Variants in LDLRAD4 observed in about 807,000 individuals in gnomAD.
The protein encoded by LDLRAD4 is low density lipoprotein receptor class A domain containing 4.
LDLRAD4 carries 5 observed loss-of-function variants against 17.0 expected under a neutral mutation model. That is an observed-to-expected ratio of 0.29 (90% CI 0.15 to 0.62). LDLRAD4 has a LOEUF of 0.62. Ranked by LOEUF, LDLRAD4 falls within the 20% of genes least tolerant of loss-of-function variation. The pLI, the probability that LDLRAD4 is intolerant of heterozygous loss-of-function variation, is 0.84. For synonymous variants in LDLRAD4, 168 were observed against 171.8 expected (o/e 0.98, Z 0.17); for missense variants, 340 against 424.7 (o/e 0.80, Z 1.75).
In LDLRAD4 at chr18:13,552,058, A is replaced by G. The variant is rs2094439954; in HGVS notation, c.182-69059A>G. 2.0e-5 allele frequency among the ~76,000 whole-genome samples: 3 copies of G among 152,148 alleles called. 1 individual carries two copies. The South Asian group carries it at 6.2e-4, about 32-fold the overall frequency. On this transcript the variant is annotated intron_variant, in intron 3 of 5. Transcript: ENST00000359446. Reference sequence around the variant, plus strand: ...GAGGGCACCAAGCCACGAGGGACCCACTGCATGACCCAGACACCCCCCACT... The same window carrying G: ...GAGGGCACCAAGCCACGAGGGACCCGCTGCATGACCCAGACACCCCCCACT...
In LDLRAD4 at chr18:13,616,553, C is replaced by T. The variant is rs540889693; in HGVS notation, c.182-4564C>T. On this transcript the variant is annotated intron_variant, in intron 3 of 5. Coordinates refer to ENST00000359446, the Ensembl canonical transcript of LDLRAD4. Reference sequence around the variant, plus strand: ...CAGAGTCCCCAGAGCAAGGCTCTGCCGCGTGTGTGGGCCCCGCACCAGACC... The same window carrying T: ...CAGAGTCCCCAGAGCAAGGCTCTGCTGCGTGTGTGGGCCCCGCACCAGACC... Among the ~76,000 whole-genome samples, 6 of 152,302 alleles carry T rather than the reference C, an allele frequency of 3.9e-5. No homozygotes were observed. In the South Asian group the frequency reaches 8.3e-4, roughly 21 times the overall value.
At chr18:13,231,223 G>C (rs2042054980) in intron 1 of LDLRAD4, among the ~76,000 whole-genome samples, 1 of 152,198 alleles carries the variant, frequency 6.6e-6, no homozygotes, top group South Asian at 2.1e-4. Flanking sequence ...AAGCGGGAGG[G>C]AGAAGGGCAA....
At chr18:13,256,178 A>G (rs547903981) in intron 1 of LDLRAD4, among the ~76,000 whole-genome samples, 1 of 152,306 alleles carries the variant, frequency 6.6e-6, no homozygotes, top group East Asian at 1.9e-4. Context: ...TTCTAGGGAA[A>G]ATGAGACAGT....
chr18:13,540,691 C>T (rs1236073924), intron 3 of LDLRAD4, among the ~76,000 whole-genome samples: 3 of 152,274 alleles, frequency 2.0e-5, no homozygotes, highest in South Asian at 2.1e-4. Flanking sequence ...AAATTGCTTC[C>T]GATTATAATG....
chr18:13,444,995 A>G (rs1255228062), intron 3 of LDLRAD4, among the ~76,000 whole-genome samples: 1 of 152,226 alleles, frequency 6.6e-6, no homozygotes, highest in Non-Finnish European at 1.5e-5. Flanking sequence ...TTAGACTGCC[A>G]TAAACACCCA....
chr18:13,365,889 T>C (rs1444971129), intron 1 of LDLRAD4, among the ~76,000 whole-genome samples: 1 of 152,148 alleles, frequency 6.6e-6, no homozygotes, highest in Admixed American at 6.5e-5. Context: ...TTCTCCTGCC[T>C]CAGCCTCCTG....
intron 1 of LDLRAD4, among the ~76,000 whole-genome samples, chr18:13,378,836 T>A (rs971711588): frequency 1.3e-5 from 2 of 152,188 alleles, no homozygotes; most frequent in African/African-American, 2.4e-5. Context: ...GGGAACTTTT[T>A]AAAAAAATCA....
intron 1 of LDLRAD4, among the ~76,000 whole-genome samples, chr18:13,357,759 G>A (rs1291465501): frequency 6.6e-6 from 1 of 152,130 alleles, no homozygotes; most frequent in Non-Finnish European, 1.5e-5. Context: ...GAACATTTTT[G>A]TAAGGACATG....
chr18:13,450,625 G>A lies in LDLRAD4; in HGVS notation c.181+12241G>A, dbSNP rs2091773834. Among the ~76,000 whole-genome samples, 6 of 152,254 alleles carry A rather than the reference G, an allele frequency of 3.9e-5. No homozygotes were observed. In the South Asian group the frequency reaches 1.2e-3, roughly 32 times the overall value. On this transcript the variant is annotated intron_variant, in intron 3 of 5. Coordinates refer to ENST00000359446, the Ensembl canonical transcript of LDLRAD4. ...TAGGTGACATGGGAGGGTGCAGTGT[G>A]TGTGAGACGGAGGCTTTGCCTCCCA...
rs540524562 is a variant in LDLRAD4, at chr18:13,290,417, G to C, written c.-383+12229G>C. Among the ~76,000 whole-genome samples the C allele has an allele frequency of 3.9e-5, 6 of 152,192 alleles. No homozygotes were observed. In the South Asian group the frequency reaches 1.2e-3, roughly 32 times the overall value. On this transcript the variant is annotated intron_variant, in intron 1 of 5. Transcript: ENST00000359446. Reference sequence around the variant, plus strand: ...ATCTCAATATATCTTAACTTATTCTGGGTAAAATGATCCTGAACCATAGAA... The same window carrying C: ...ATCTCAATATATCTTAACTTATTCTCGGTAAAATGATCCTGAACCATAGAA...
chr18:13,406,275 G>A (rs1448242842), intron 2 of LDLRAD4, among the ~76,000 whole-genome samples: 3 of 152,150 alleles, frequency 2.0e-5, no homozygotes, highest in Admixed American at 1.3e-4. Context: ...AGAGAGTCAC[G>A]GATCTCAGTT....
At chr18:13,340,132 G>T (rs2082297240) in intron 1 of LDLRAD4, among the ~76,000 whole-genome samples, 1 of 152,156 alleles carries the variant, frequency 6.6e-6, no homozygotes, top group African/African-American at 2.4e-5. Context: ...AAAACTCACT[G>T]TATGTATATG....
intron 2 of LDLRAD4, among the ~76,000 whole-genome samples, chr18:13,433,288 G>A (rs2090459224): frequency 6.6e-6 from 1 of 152,206 alleles, no homozygotes; most frequent in Non-Finnish European, 1.5e-5. Flanking sequence ...AAATGATGGA[G>A]CCAGAATCAC....
At chr18:13,518,213 C>T (rs1462670284) in intron 3 of LDLRAD4, among the ~76,000 whole-genome samples, 1 of 152,196 alleles carries the variant, frequency 6.6e-6, no homozygotes, top group East Asian at 1.9e-4. Flanking sequence ...GAGCTTCCCA[C>T]TCTGTCCTCT....
At chr18:13,558,552 G>A (rs2094507566) in intron 3 of LDLRAD4, among the ~76,000 whole-genome samples, 1 of 152,254 alleles carries the variant, frequency 6.6e-6, no homozygotes, top group African/African-American at 2.4e-5. Flanking sequence ...GGCAGCACTT[G>A]CTGGGATATG....
At position 13,448,239 on chromosome 18, in the gene LDLRAD4, C is replaced by G. The variant is rs76380139; in HGVS notation, c.181+9855C>G. ...GTGTGTGCTTAAGACGGGAATGCAGCCCGCGGGGTGACCTGCGTTAATTGT... is the reference window on the plus strand; with the variant it reads ...GTGTGTGCTTAAGACGGGAATGCAGGCCGCGGGGTGACCTGCGTTAATTGT... On this transcript the variant is annotated intron_variant, in intron 3 of 5. Transcript: ENST00000359446. Among the ~76,000 whole-genome samples, 293 of 152,240 alleles carry G rather than the reference C, an allele frequency of 1.9e-3. 1 individual carries two copies. The highest frequency in any genetic ancestry group is 6.6e-3 in the African/African-American group (274 of 41,522).
chr18:13,330,273 T>A (rs565986000), intron 1 of LDLRAD4, among the ~76,000 whole-genome samples: 1 of 152,264 alleles, frequency 6.6e-6, no homozygotes, highest in East Asian at 1.9e-4. Context: ...CCCCTCCAGT[T>A]TTTTTAGTAC....
Position 13,594,639 on chromosome 18 carries a change from C to T in LDLRAD4, c.182-26478C>T, listed in dbSNP as rs143650384. Among the ~76,000 whole-genome samples the T allele has an allele frequency of 8.0e-3, 903 of 112,924 alleles. 14 individuals are homozygous for T. Among genetic ancestry groups the T allele is most frequent in the African/African-American group, 0.03 (857 of 28,972 alleles). 74.1% of individuals were successfully genotyped at this position (112,924 alleles called of 152,430 possible). ...TGAGATCATGCCACTATGCTCCAGCCTGGGTGACAGAGCAAGATTCCATCT... is the reference window on the plus strand; with the variant it reads ...TGAGATCATGCCACTATGCTCCAGCTTGGGTGACAGAGCAAGATTCCATCT... On this transcript the variant is annotated intron_variant, in intron 3 of 5. Coordinates refer to ENST00000359446, the Ensembl canonical transcript of LDLRAD4.
chr18:13,363,956 C>G (rs1254543462), intron 1 of LDLRAD4, among the ~76,000 whole-genome samples: 2 of 152,186 alleles, frequency 1.3e-5, no homozygotes, highest in Non-Finnish European at 2.9e-5. Context: ...TGTGGCATCT[C>G]TGCTAGACCT....
Sources: allele counts gnomAD v4.1 joint callset (sites outside exome capture counted in the v4.1 genomes callset), GRCh38; gene constraint gnomAD v4.1.1; transcripts MANE v1.5; gene names NCBI Gene and HGNC (gene_info 2026-07-23, HGNC 2026-07-21).